Variants in MMP24 observed in about 807,000 individuals in gnomAD.
MMP24 encodes the protein matrix metallopeptidase 24.
A neutral mutation model predicts 62.8 loss-of-function variants in MMP24; 25 were observed. That is an observed-to-expected ratio of 0.40 (90% confidence interval 0.29 to 0.56). The LOEUF (loss-of-function observed/expected upper bound fraction) is 0.56, where lower values mean the gene tolerates loss of function less well. Ranked by LOEUF, MMP24 falls within the 20% of genes least tolerant of loss-of-function variation. MMP24 has a pLI of 0.50. For missense variants in MMP24, 634 were observed against 853.6 expected, an observed-to-expected ratio of 0.74 and a Z score of 3.21; for synonymous variants, 319 against 350.5, an observed-to-expected ratio of 0.91 and a Z score of 1.00.
intron 7 of MMP24, among the ~76,000 whole-genome samples, chr20:35,270,302 C>A (rs1163779788): frequency 6.6e-6 from 1 of 152,234 alleles, no homozygotes; most frequent in African/African-American, 2.4e-5. Context: ...GTTATCTTGA[C>A]TCGGGCCAGA....
Position 35,269,906 on chromosome 20 carries a change from A to AGCCT in MMP24, c.1333+9_1333+10insCCTG. On this transcript the variant is annotated intron_variant, in intron 7 of 8. Coordinates refer to ENST00000246186, the MANE Select transcript of MMP24 (RefSeq NM_006690.4). The surrounding 1 kb of genome is among the most constrained non-coding windows in gnomAD (Gnocchi z 4.6). ...GATTTGTCTTCTTCAAAGGTAATGT[A>AGCCT]GACTGTGCTGTGGGACAGTTCCCTG... The AGCCT allele has an allele frequency of 6.4e-7, 1 of 1,551,786 alleles. No individual in the cohort carries two copies. The highest frequency in any genetic ancestry group is 1.4e-5 in the African/African-American group (1 of 73,160).
At chr20:35,240,977 C>A (rs979380026) in intron 1 of MMP24, among the ~76,000 whole-genome samples, 7 of 152,046 alleles carry the variant, frequency 4.6e-5, no homozygotes, top group Non-Finnish European at 2.9e-5. Context: ...AAAGAGGGCA[C>A]CCACTAGCTC....
intron 1 of MMP24, among the ~76,000 whole-genome samples, chr20:35,245,217 G>A (rs939637532): frequency 4.6e-5 from 7 of 151,920 alleles, no homozygotes; most frequent in Admixed American, 1.3e-4. Flanking sequence ...TGTAGAGATG[G>A]GGTCTTGATA....
At position 35,274,989 on chromosome 20, in the gene MMP24, G is replaced by A; in HGVS notation, c.*380G>A. The A allele has an allele frequency of 4.4e-6, 1 of 226,000 alleles. No homozygotes were observed. Among genetic ancestry groups the A allele is most frequent in the Non-Finnish European group, 8.8e-6 (1 of 113,960 alleles). The allele number at this position is 226,000 out of a possible 1,614,324, so 14.0% of individuals were successfully genotyped here. ...TGGAACCCAGCACCCTCTGTGGGAA[G>A]CCAGCACTAGCTCTCATCCCCCATC... On this transcript the variant is annotated 3_prime_UTR_variant, in exon 9 of 9. Coordinates refer to ENST00000246186, the MANE Select transcript of MMP24 (RefSeq NM_006690.4). The surrounding 1 kb of genome is among the most constrained non-coding windows in gnomAD (Gnocchi z 5.1).
intron 8 of MMP24, among the ~76,000 whole-genome samples, chr20:35,272,794 A>G (rs2060678719): frequency 6.6e-6 from 1 of 152,188 alleles, no homozygotes; most frequent in Admixed American, 6.5e-5. Context: ...TATGAATCTG[A>G]GCAAATCTTT....
intron 1 of MMP24, among the ~76,000 whole-genome samples, chr20:35,246,124 G>A (rs1180501742): frequency 6.6e-6 from 1 of 151,842 alleles, no homozygotes; most frequent in Non-Finnish European, 1.5e-5. Flanking sequence ...ATTTCTGGGT[G>A]GCACAACATT....
In MMP24 at chr20:35,275,706, A is replaced by ACTACTCTGAGGCCGACTCCAG. The variant is rs1281296388; in HGVS notation, c.*1116_*1136dup. 7.9e-6 allele frequency: 2 copies of ACTACTCTGAGGCCGACTCCAG among 253,868 alleles called. No individual in the cohort carries two copies. The highest frequency in any genetic ancestry group is 6.9e-5 in the East Asian group (1 of 14,524). 15.7% of individuals were successfully genotyped at this position (253,868 alleles called of 1,614,324 possible). A position where few individuals can be genotyped will look rare whatever the true frequency, so the allele number is the denominator to read the frequency against. ...GGCGTCTGAAGTGCTCAGTGCCCCC[A>ACTACTCTGAGGCCGACTCCAG]CTACTCTGAGGCCGACTCCAGCTAC... On this transcript the variant is annotated 3_prime_UTR_variant, in exon 9 of 9. Coordinates refer to ENST00000246186, the MANE Select transcript of MMP24 (RefSeq NM_006690.4).
intron 1 of MMP24, among the ~76,000 whole-genome samples, chr20:35,239,373 C>T (rs2060477941): frequency 6.6e-6 from 1 of 151,884 alleles, no homozygotes; most frequent in Non-Finnish European, 1.5e-5. Flanking sequence ...AGAGAGGTGT[C>T]TTGCTATGTT....
rs111428816 is a variant in MMP24, at chr20:35,275,336, A to G, written c.*727A>G. 729 of 152,294 alleles carry G rather than the reference A, an allele frequency of 4.8e-3. 3 individuals carry two copies. The highest frequency in any genetic ancestry group is 7.3e-3 in the Non-Finnish European group (497 of 68,110). 9.4% of individuals were successfully genotyped at this position (152,294 alleles called of 1,614,324 possible). On this transcript the variant is annotated 3_prime_UTR_variant, in exon 9 of 9. Transcript: ENST00000246186. ...TGTCCCATTTTGCAAAGGCTGCTTG[A>G]GGCTTTAGGTGAACTAGAGGTGACT...
In MMP24 at chr20:35,275,769, T is replaced by C. The variant is rs1275055053; in HGVS notation, c.*1160T>C. 1 of 371,978 alleles carries C rather than the reference T, an allele frequency of 2.7e-6. No homozygotes were observed. Among genetic ancestry groups the C allele is most frequent in the East Asian group, 3.9e-5 (1 of 25,948 alleles). The allele number at this position is 371,978 out of a possible 1,614,324, so 23.0% of individuals were successfully genotyped here. On this transcript the variant is annotated 3_prime_UTR_variant, in exon 9 of 9. Transcript: ENST00000246186. ...TCAATCTCTCGGCTGGAAGCAGTGT[T>C]TTCCCAGAGCTTGGCCCTTGCTGAC...
At chr20:35,252,758 G>A (rs1217643444) in intron 3 of MMP24, among the ~76,000 whole-genome samples, 1 of 152,078 alleles carries the variant, frequency 6.6e-6, no homozygotes, top group African/African-American at 2.4e-5. Context: ...TGAGGCTGGG[G>A]CAAGGGCCAG....
chr20:35,250,063 C>A (rs1035997464), intron 2 of MMP24, among the ~76,000 whole-genome samples: 2 of 152,070 alleles, frequency 1.3e-5, no homozygotes, highest in African/African-American at 2.4e-5. Context: ...GGTGATCCTC[C>A]CACCTCAGCC....
chr20:35,258,831 C>T (rs144619558), intron 4 of MMP24, among the ~76,000 whole-genome samples: 94 of 152,108 alleles, frequency 6.2e-4, no homozygotes, highest in African/African-American at 2.2e-3. Flanking sequence ...TTGCCTACGT[C>T]CCAAACCAAA....
At chr20:35,247,067 A>G (rs2060518960) in intron 2 of MMP24, 79 bp downstream of exon 2, 1 of 1,497,460 alleles carries the variant, frequency 6.7e-7, no homozygotes, top group African/African-American at 1.4e-5. Flanking sequence ...GCCTGTGTAC[A>G]CCCCATGCCC....
chr20:35,245,548 G>A (rs572628975), intron 1 of MMP24, among the ~76,000 whole-genome samples: 1 of 151,488 alleles, frequency 6.6e-6, no homozygotes, highest in Non-Finnish European at 1.5e-5. Context: ...TCCCAGGTCC[G>A]AGTGATTCTC....
chr20:35,244,715 C>T (rs1013171712), intron 1 of MMP24, among the ~76,000 whole-genome samples: 4 of 152,204 alleles, frequency 2.6e-5, no homozygotes, highest in African/African-American at 9.7e-5. Flanking sequence ...GCTGAGATTA[C>T]AGGCATGAGC....
At chr20:35,273,102 T>TA (rs1338270099) in intron 8 of MMP24, among the ~76,000 whole-genome samples, 1 of 151,934 alleles carries the variant, frequency 6.6e-6, no homozygotes, top group Non-Finnish European at 1.5e-5. Flanking sequence ...TCTAGGGGCA[T>TA]AAAGCAAGAT....
rs866618599 is a variant in MMP24, at chr20:35,227,089, C to G, written c.246+105C>G. The G allele has an allele frequency of 6.5e-5, 59 of 911,938 alleles. No homozygotes were observed. The South Asian group carries it at 2.2e-3, about 35-fold the overall frequency. The allele number at this position is 911,938 out of a possible 1,614,324, so 56.5% of individuals were successfully genotyped here. On this transcript the variant is annotated intron_variant, in intron 1 of 8. Coordinates refer to ENST00000246186, the MANE Select transcript of MMP24 (RefSeq NM_006690.4). ...GCCGGGCCGCACCTACTGCCGAGGT[C>G]GCGGAGGCGGCGCGCCGGGGGTCCG... is the stretch of plus-strand genomic sequence containing the variant.
Position 35,230,550 on chromosome 20 carries a change from C to T in MMP24, c.246+3566C>T, listed in dbSNP as rs182452276. Among the ~76,000 whole-genome samples, 615 of 152,316 alleles carry T rather than the reference C, an allele frequency of 4.0e-3. 28 individuals are homozygous for T. The highest frequency in any genetic ancestry group is 0.038 in the Admixed American group (587 of 15,290). On this transcript the variant is annotated intron_variant, in intron 1 of 8. Coordinates refer to ENST00000246186, the MANE Select transcript of MMP24 (RefSeq NM_006690.4). ...TAAAACCCTTCTTAGAGATGGGACT[C>T]ATTGCCAACTTGTACTTTCTTCGGT...
Sources: gnomAD v4.1 joint callset for allele counts (sites outside exome capture counted in the v4.1 genomes callset) on GRCh38, gnomAD v4.1.1 for gene constraint, Gnocchi (gnomAD v3.1) non-coding constraint, MANE v1.5 for transcripts, NCBI Gene and HGNC (gene_info 2026-07-23, HGNC 2026-07-21) for gene names.